DCC: variants seen among roughly 807,000 people sequenced by gnomAD.
DCC encodes netrin receptor DCC.
In DCC, 58 loss-of-function variants were observed where a neutral mutation model predicts 172.5. The ratio of observed to expected loss-of-function variants is 0.34; its 90% confidence interval spans 0.27 to 0.42. The LOEUF (loss-of-function observed/expected upper bound fraction) is 0.42, where lower values mean the gene tolerates loss of function less well. Ranked by LOEUF, DCC falls within the 10% of genes least tolerant of loss-of-function variation. The probability of loss-of-function intolerance (pLI) is 1.00; values close to 1 mark genes in which losing one functional copy is unlikely to be tolerated. For missense variants in DCC, 1,740 were observed against 1,791.0 expected, an observed-to-expected ratio of 0.97 and a Z score of 0.51; for synonymous variants, 709 against 644.5, an observed-to-expected ratio of 1.10 and a Z score of -1.52.
At chr18:52,815,486 T>C (rs1368930750) in intron 2 of DCC, among the ~76,000 whole-genome samples, 1 of 148,640 alleles carries the variant, frequency 6.7e-6, no homozygotes, top group Non-Finnish European at 1.5e-5. Context: ...TCCCCACCAA[T>C]GTGAGGACAC....
chr18:53,089,862 T>C (rs994774654), intron 7 of DCC, among the ~76,000 whole-genome samples: 1 of 152,230 alleles, frequency 6.6e-6, no homozygotes, highest in African/African-American at 2.4e-5. Context: ...CACAGGTATA[T>C]TGTATAAGGT....
chr18:53,156,236 G>A (rs2054732010), intron 7 of DCC, among the ~76,000 whole-genome samples: 1 of 152,130 alleles, frequency 6.6e-6, no homozygotes, highest in Non-Finnish European at 1.5e-5. Context: ...TGTATCTCCA[G>A]GACTTTGAGA....
chr18:53,466,974 T>C (rs2045629464), intron 24 of DCC, among the ~76,000 whole-genome samples: 1 of 152,200 alleles, frequency 6.6e-6, no homozygotes, highest in South Asian at 2.1e-4. Context: ...ATTATGCTGT[T>C]AATTTTTTAA....
chr18:52,952,581 A>G (rs2040667760), intron 5 of DCC, among the ~76,000 whole-genome samples: 1 of 152,234 alleles, frequency 6.6e-6, no homozygotes, highest in Non-Finnish European at 1.5e-5. Context: ...CTTTCTACTC[A>G]GCTCAAGTAC....
chr18:52,756,483 T>G (rs892700477), intron 2 of DCC, among the ~76,000 whole-genome samples: 1 of 152,224 alleles, frequency 6.6e-6, no homozygotes, highest in South Asian at 2.1e-4. Flanking sequence ...CACCCATATA[T>G]GTGCATACAT....
At chr18:53,303,044 T>A (rs1190379230) in intron 12 of DCC, among the ~76,000 whole-genome samples, 1 of 152,160 alleles carries the variant, frequency 6.6e-6, no homozygotes, top group Non-Finnish European at 1.5e-5. Context: ...AAGGGGTCAT[T>A]TTATCATTTT....
intron 5 of DCC, among the ~76,000 whole-genome samples, chr18:52,976,819 C>T (rs936645959): frequency 2.6e-5 from 4 of 152,158 alleles, no homozygotes; most frequent in African/African-American, 4.8e-5. Flanking sequence ...CACTATCTTA[C>T]ATATGCAAAC....
At chr18:53,494,267 C>T (rs961408325) in intron 26 of DCC, among the ~76,000 whole-genome samples, 1 of 152,100 alleles carries the variant, frequency 6.6e-6, no homozygotes, top group African/African-American at 2.4e-5. Flanking sequence ...TTTAGAATAA[C>T]TGTGATGTAG....
chr18:52,473,286 G>A (rs1181612337), intron 1 of DCC, among the ~76,000 whole-genome samples: 1 of 152,150 alleles, frequency 6.6e-6, no homozygotes, highest in Non-Finnish European at 1.5e-5. Flanking sequence ...GCAGGACAAA[G>A]TGGCCTTCCA....
intron 10 of DCC, 96 bp from the exon 11 acceptor site, chr18:53,207,583 A>C: frequency 1.7e-6 from 2 of 1,171,084 alleles, no homozygotes; most frequent in Non-Finnish European, 2.5e-6. Flanking sequence ...GTAGTTTGTA[A>C]GAGTCTAATG....
chr18:53,038,292 A>G (rs2042122346), intron 5 of DCC, among the ~76,000 whole-genome samples: 1 of 152,018 alleles, frequency 6.6e-6, no homozygotes, highest in African/African-American at 2.4e-5. Context: ...TGTAATAATT[A>G]CTATTGTGTT....
At chr18:53,382,087 C>CACACACACAA (rs1260676773) in intron 15 of DCC, among the ~76,000 whole-genome samples, 2 of 117,978 alleles carry the variant, frequency 1.7e-5, no homozygotes, top group Non-Finnish European at 4.2e-5. Flanking sequence ...CACACACACA[C>CACACACACAA]ACACACACAC....
intron 19 of DCC, among the ~76,000 whole-genome samples, chr18:53,403,535 A>G (rs1909454596): frequency 1.3e-5 from 2 of 152,226 alleles, no homozygotes; most frequent in Non-Finnish European, 2.9e-5. Flanking sequence ...GAAAAATATA[A>G]TGGAGTTCTA....
intron 1 of DCC, among the ~76,000 whole-genome samples, chr18:52,589,714 T>C (rs1182728912): frequency 1.3e-5 from 2 of 152,004 alleles, no homozygotes; most frequent in Non-Finnish European, 2.9e-5. Context: ...ATAGTGCCAA[T>C]CAATTAGAGC....
chr18:52,949,128 C>G (rs961084115), intron 5 of DCC, among the ~76,000 whole-genome samples: 2 of 152,200 alleles, frequency 1.3e-5, no homozygotes, highest in Non-Finnish European at 2.9e-5. Flanking sequence ...CTGCCCTGCA[C>G]AAGTCATATC....
intron 5 of DCC, among the ~76,000 whole-genome samples, chr18:52,982,576 G>A (rs913714620): frequency 1.3e-5 from 2 of 151,942 alleles, no homozygotes; most frequent in South Asian, 2.1e-4. Flanking sequence ...ACTGTGCATG[G>A]GAGTATGTTT....
chr18:52,867,416 C>T (rs760710279), intron 2 of DCC, among the ~76,000 whole-genome samples: 5 of 152,098 alleles, frequency 3.3e-5, no homozygotes, highest in East Asian at 1.9e-4. Flanking sequence ...GGAAGATTCC[C>T]TCTTTTTCAA....
intron 1 of DCC, among the ~76,000 whole-genome samples, chr18:52,717,415 A>G (rs1470350425): frequency 6.9e-6 from 1 of 144,446 alleles, no homozygotes; most frequent in Admixed American, 7.4e-5. Context: ...CTAAATTAAG[A>G]GAATTTCTAA....
At chr18:52,361,418 G>A (rs767607228) in intron 1 of DCC, among the ~76,000 whole-genome samples, 16 of 152,258 alleles carry the variant, frequency 1.1e-4, no homozygotes, top group Admixed American at 1.3e-4. Context: ...AAGAAATATC[G>A]TGGAAAAAGA....
Sources: gnomAD v4.1 joint callset for allele counts (sites outside exome capture counted in the v4.1 genomes callset) on GRCh38, gnomAD v4.1.1 for gene constraint, MANE v1.5 for transcripts, NCBI Gene and HGNC (gene_info 2026-07-23, HGNC 2026-07-21) for gene names.